The following DGKH variants were observed in gnomAD, a reference collection of about 807,000 sequenced individuals.
DGKH encodes the protein DAG kinase eta.
DGKH carries 90 observed loss-of-function variants against 159.3 expected under a neutral mutation model. The ratio of observed to expected loss-of-function variants is 0.57; its 90% confidence interval spans 0.48 to 0.67. DGKH has a LOEUF of 0.67. DGKH is among the 30% of genes least tolerant of loss of function. DGKH has a pLI of 0.00. For missense variants in DGKH, 1,181 were observed against 1,506.1 expected (o/e 0.78, Z 3.57); for synonymous variants, 536 against 553.8 (o/e 0.97, Z 0.45).
intron 20 of DGKH, among the ~76,000 whole-genome samples, chr13:42,202,506 A>G (rs1490785453): frequency 1.3e-5 from 2 of 152,224 alleles, no homozygotes; most frequent in African/African-American, 4.8e-5. Context: ...TTTGTGCAGA[A>G]CAAAGACTTT....
chr13:42,237,256 T>C lies in DGKH; in HGVS notation c.*8068T>C, dbSNP rs1958434531. ...TAATAAGCCCTAACTTTAACTGTTT[T>C]CTTCTATGTTACAGTGTTAGCGGTT... On this transcript the variant is annotated 3_prime_UTR_variant, in exon 30 of 30. Coordinates refer to ENST00000337343, the MANE Select transcript of DGKH (RefSeq NM_178009.5). The C allele has an allele frequency of 6.6e-6, 1 of 152,260 alleles. No homozygotes were observed. The highest frequency in any genetic ancestry group is 2.4e-5 in the African/African-American group (1 of 41,472). 9.4% of individuals were successfully genotyped at this position (152,260 alleles called of 1,614,324 possible). A position where few individuals can be genotyped will look rare whatever the true frequency, so the allele number is the denominator to read the frequency against.
downstream of DGKH, among the ~76,000 whole-genome samples, chr13:42,243,316 T>C (rs1473443494): frequency 6.6e-6 from 1 of 152,212 alleles, no homozygotes; most frequent in Non-Finnish European, 1.5e-5. Flanking sequence ...TCATCTAAAT[T>C]GTGTGTATTG....
intron 1 of DGKH, among the ~76,000 whole-genome samples, chr13:42,112,160 A>G (rs529392662): frequency 1.3e-5 from 2 of 152,360 alleles, no homozygotes; most frequent in African/African-American, 4.8e-5. Flanking sequence ...AACAAAAACA[A>G]AAGTCGTATA....
Position 42,229,095 on chromosome 13 carries a change from T to G in DGKH, c.3574-4T>G. On this transcript the variant is annotated splice_region_variant and splice_polypyrimidine_tract_variant and intron_variant, in intron 29 of 29. Coordinates refer to ENST00000337343, the MANE Select transcript of DGKH (RefSeq NM_178009.5). ...TTCTACCTTTTTCTGTTCTTTTATT[T>G]TAGGATCTGGGGATACCGAAAGTGG... is the stretch of plus-strand genomic sequence containing the variant. 6.2e-7 allele frequency: 1 copy of G among 1,603,404 alleles called. No homozygotes were observed. Among genetic ancestry groups the G allele is most frequent in the Non-Finnish European group, 8.5e-7 (1 of 1,176,778 alleles).
intron 3 of DGKH, 84 bp downstream of exon 3, chr13:42,129,716 C>A: frequency 8.0e-7 from 1 of 1,255,696 alleles, no homozygotes; most frequent in Non-Finnish European, 1.1e-6. Context: ...TGTTCAATTA[C>A]AAACTGTTGC....
At chr13:42,171,757 CTT>C (rs1956459917) in intron 11 of DGKH, among the ~76,000 whole-genome samples, 1 of 151,730 alleles carries the variant, frequency 6.6e-6, no homozygotes, top group East Asian at 1.9e-4. Context: ...GACCCTGTGA[CTT>C]TGAGATGCTC....
downstream of DGKH, among the ~76,000 whole-genome samples, chr13:42,243,068 C>T (rs1958544360): frequency 6.6e-6 from 1 of 152,154 alleles, no homozygotes; most frequent in Admixed American, 6.5e-5. Flanking sequence ...AGTACAGTAT[C>T]ACAACCAGGA....
chr13:42,176,538 G>A (rs1282282609), intron 12 of DGKH, among the ~76,000 whole-genome samples: 1 of 149,182 alleles, frequency 6.7e-6, no homozygotes, highest in African/African-American at 2.4e-5. Flanking sequence ...CTTTGAAGGA[G>A]AATGTAGAAA....
At position 42,241,161 on chromosome 13, in the gene DGKH, T is replaced by C. The variant is rs1958506884; in HGVS notation, c.*11973T>C. ...AATTGTAATTAACTGAAATGCCCTG[T>C]TCCTTCATTCACTTGATAGACTTTT... On this transcript the variant is annotated 3_prime_UTR_variant, in exon 30 of 30. Transcript: ENST00000337343. The C allele has an allele frequency of 2.0e-5, 3 of 152,176 alleles. No individual in the cohort carries two copies. The South Asian group carries it at 6.2e-4, about 32-fold the overall frequency. 9.4% of individuals were successfully genotyped at this position (152,176 alleles called of 1,614,324 possible). A position where few individuals can be genotyped will look rare whatever the true frequency, so the allele number is the denominator to read the frequency against.
At chr13:42,049,267 C>G (rs1396703332) in intron 1 of DGKH, among the ~76,000 whole-genome samples, 1 of 152,064 alleles carries the variant, frequency 6.6e-6, no homozygotes, top group Non-Finnish European at 1.5e-5. Context: ...GGCTGCGAGC[C>G]TGGGCTCCCA....
chr13:42,198,401 A>G (rs1036779003), intron 17 of DGKH, 77 bp from the exon 18 acceptor site: 7 of 1,242,974 alleles, frequency 5.6e-6, no homozygotes, highest in Non-Finnish European at 5.7e-6. Flanking sequence ...GATATTTGAT[A>G]TCAGGCCTGG....
Position 42,214,489 on chromosome 13 carries a change from TTTCATTTTTG to T in DGKH, c.3015-17_3015-8del. On this transcript the variant is annotated splice_polypyrimidine_tract_variant and splice_region_variant and intron_variant, in intron 24 of 29. Transcript: ENST00000337343. ...CTCAAAAAAGTTTTTTATTCATTTG[TTTCATTTTTG>T]CTTTTAGGATATGTGACGCAGCCAC... 6.3e-7 allele frequency: 1 copy of T among 1,599,452 alleles called. No homozygotes were observed. Among genetic ancestry groups the T allele is most frequent in the Non-Finnish European group, 8.5e-7 (1 of 1,175,762 alleles).
At chr13:42,245,733 G>A (rs944449804), downstream of DGKH, among the ~76,000 whole-genome samples, 5 of 151,924 alleles carry the variant, frequency 3.3e-5, no homozygotes, top group Admixed American at 1.3e-4. Flanking sequence ...CTACAGGCAC[G>A]CGCCAACACA....
At chr13:42,054,597 T>C (rs2137650667) in intron 1 of DGKH, among the ~76,000 whole-genome samples, 1 of 152,298 alleles carries the variant, frequency 6.6e-6, no homozygotes, top group Admixed American at 6.5e-5. Context: ...GGGAGGGTGC[T>C]GGGGAGAACT....
chr13:42,116,763 T>A (rs1454886709), intron 1 of DGKH, among the ~76,000 whole-genome samples: 1 of 152,220 alleles, frequency 6.6e-6, no homozygotes, highest in Non-Finnish European at 1.5e-5. Flanking sequence ...CATCCATGTG[T>A]GTATATAATT....
At chr13:42,105,801 G>C (rs567247151) in intron 1 of DGKH, among the ~76,000 whole-genome samples, 22 of 152,236 alleles carry the variant, frequency 1.4e-4, no homozygotes, top group Non-Finnish European at 2.8e-4. Context: ...TATGGCCTTC[G>C]ATATATGGTT....
intron 16 of DGKH, 79 bp downstream of exon 16, chr13:42,190,604 T>G (rs1957040800): frequency 7.1e-7 from 1 of 1,401,372 alleles, no homozygotes. Context: ...GCTGATCAGT[T>G]TGAAAAAAAC....
At chr13:42,070,682 G>T in intron 1 of DGKH, 2 of 1,612,136 alleles carry the variant, frequency 1.2e-6, no homozygotes, top group Non-Finnish European at 1.7e-6. Flanking sequence ...TTGAGCCCCC[G>T]TAGCAGCTGA....
At position 42,174,897 on chromosome 13, in the gene DGKH, C is replaced by T. The variant is rs60949500; in HGVS notation, c.1452+753C>T. Among the ~76,000 whole-genome samples the T allele has an allele frequency of 3.4e-4, 52 of 152,274 alleles. No individual in the cohort carries two copies. In the East Asian group the frequency reaches 8.3e-3, roughly 24 times the overall value. On this transcript the variant is annotated intron_variant, in intron 12 of 29. Transcript: ENST00000337343. ...CTACTCTTCTGAAGGGACAGCAAGA[C>T]AGGTCTCTGGGTTAAGCCTGTTGAT...
Sources: gnomAD v4.1 joint callset for allele counts (sites outside exome capture counted in the v4.1 genomes callset) on GRCh38, gnomAD v4.1.1 for gene constraint, MANE v1.5 for transcripts, NCBI Gene and HGNC (gene_info 2026-07-23, HGNC 2026-07-21) for gene names.